The following B3GALT1 variants were observed in gnomAD, a reference collection of about 807,000 sequenced individuals.
The protein encoded by B3GALT1 is UDP-Gal:betaGlcNAc beta 1,3-galactosyltransferase, polypeptide 1.
A neutral mutation model predicts 23.2 loss-of-function variants in B3GALT1; 10 were observed. That is an observed-to-expected ratio of 0.43 (90% CI 0.27 to 0.73). B3GALT1 has a LOEUF of 0.73. Among genes scored for constraint, B3GALT1 ranks in the 30% least tolerant of loss-of-function variants. B3GALT1 has a pLI of 0.21. For synonymous variants in B3GALT1, 156 were observed against 141.5 expected, an observed-to-expected ratio of 1.10 and a Z score of -0.73; for missense variants, 299 against 405.4, an observed-to-expected ratio of 0.74 and a Z score of 2.25.
intron 3 of B3GALT1, among the ~76,000 whole-genome samples, chr2:167,706,590 C>A: frequency 6.6e-6 from 1 of 152,192 alleles, no homozygotes; most frequent in East Asian, 1.9e-4. Flanking sequence ...TTTTCATTAT[C>A]AGAAGACACA....
At chr2:167,665,708 A>G (rs1686165636) in intron 3 of B3GALT1, among the ~76,000 whole-genome samples, 1 of 152,188 alleles carries the variant, frequency 6.6e-6, no homozygotes, top group African/African-American at 2.4e-5. Context: ...GTATGTGTCG[A>G]GGAATTTATC....
chr2:167,792,617 G>T (rs530702818), intron 3 of B3GALT1, among the ~76,000 whole-genome samples: 6 of 152,122 alleles, frequency 3.9e-5, no homozygotes, highest in African/African-American at 1.4e-4. Flanking sequence ...CCAGATGGTA[G>T]AACACCTTGT....
At chr2:167,758,834 C>T (rs1252004472) in intron 3 of B3GALT1, among the ~76,000 whole-genome samples, 1 of 152,178 alleles carries the variant, frequency 6.6e-6, no homozygotes, top group Non-Finnish European at 1.5e-5. Flanking sequence ...AGATCCCTGA[C>T]CCAGTCAGCT....
intron 2 of B3GALT1, among the ~76,000 whole-genome samples, chr2:167,551,271 G>A (rs866434943): frequency 6.6e-6 from 1 of 152,198 alleles, no homozygotes; most frequent in Non-Finnish European, 1.5e-5. Flanking sequence ...TGTGTTTTCA[G>A]TGTAAATAAA....
intron 3 of B3GALT1, among the ~76,000 whole-genome samples, chr2:167,682,547 C>T (rs1457531743): frequency 6.6e-6 from 1 of 152,238 alleles, no homozygotes; most frequent in African/African-American, 2.4e-5. Flanking sequence ...GATTCTCAAA[C>T]TTGAATATGT....
intron 1 of B3GALT1, among the ~76,000 whole-genome samples, chr2:167,434,007 C>T (rs541160542): frequency 1.9e-4 from 29 of 151,154 alleles, no homozygotes; most frequent in African/African-American, 6.1e-4. Context: ...AAACTGCCCT[C>T]CAACTTGGGT....
intron 3 of B3GALT1, among the ~76,000 whole-genome samples, chr2:167,685,251 A>G (rs937931037): frequency 7.2e-5 from 11 of 152,120 alleles, no homozygotes; most frequent in African/African-American, 2.7e-4. Flanking sequence ...GTTCTAAAAG[A>G]ATGTTATCCA....
intron 3 of B3GALT1, among the ~76,000 whole-genome samples, chr2:167,664,974 C>T (rs991929553): frequency 1.9e-4 from 29 of 150,876 alleles, no homozygotes; most frequent in Non-Finnish European, 3.4e-4. Context: ...TGCCTAATTG[C>T]CCTGGCCAGA....
chr2:167,837,061 T>C (rs1462556516), intron 4 of B3GALT1, among the ~76,000 whole-genome samples: 2 of 151,900 alleles, frequency 1.3e-5, no homozygotes, highest in Non-Finnish European at 1.5e-5. Context: ...CGGTAACAGC[T>C]GCTGCAAAAT....
intron 3 of B3GALT1, among the ~76,000 whole-genome samples, chr2:167,678,605 C>G (rs985189149): frequency 6.6e-6 from 1 of 152,040 alleles, no homozygotes; most frequent in African/African-American, 2.4e-5. Context: ...TTTTCATGGG[C>G]TCAGTCCACG....
At chr2:167,346,745 TGG>T (rs202176994) in intron 1 of B3GALT1, among the ~76,000 whole-genome samples, 3 of 35,600 alleles carry the variant, frequency 8.4e-5, no homozygotes, top group Middle Eastern at 0.033. Context: ...TGTGTGTGTG[TGG>T]GGGGGGGGTG....
At chr2:167,716,837 G>C (rs989869840) in intron 3 of B3GALT1, among the ~76,000 whole-genome samples, 1 of 151,728 alleles carries the variant, frequency 6.6e-6, no homozygotes, top group African/African-American at 2.4e-5. Flanking sequence ...CTTTTTTATA[G>C]TTTTTTTGGT....
chr2:167,683,754 C>G (rs1686573070), intron 3 of B3GALT1, among the ~76,000 whole-genome samples: 1 of 152,088 alleles, frequency 6.6e-6, no homozygotes, highest in African/African-American at 2.4e-5. Flanking sequence ...AAAACACACA[C>G]ACACACACAC....
chr2:167,449,750 A>G (rs1699057257), intron 1 of B3GALT1, among the ~76,000 whole-genome samples: 1 of 152,126 alleles, frequency 6.6e-6, no homozygotes, highest in Non-Finnish European at 1.5e-5. Flanking sequence ...GGCTTTTACT[A>G]CATTGAGGTA....
intron 1 of B3GALT1, among the ~76,000 whole-genome samples, chr2:167,389,365 G>T (rs934735828): frequency 1.3e-5 from 2 of 152,162 alleles, no homozygotes; most frequent in Non-Finnish European, 2.9e-5. Flanking sequence ...ACCACTAATT[G>T]GGCCCAGGTG....
chr2:167,335,608 A>T (rs559160053), intron 1 of B3GALT1, among the ~76,000 whole-genome samples: 11 of 152,122 alleles, frequency 7.2e-5, no homozygotes, highest in Non-Finnish European at 1.5e-4. Context: ...TTTAGACCAT[A>T]TATGGTAACT....
chr2:167,447,663 G>C (rs767847796), intron 1 of B3GALT1, among the ~76,000 whole-genome samples: 1 of 152,134 alleles, frequency 6.6e-6, no homozygotes, highest in African/African-American at 2.4e-5. Flanking sequence ...CTCTGAGCCA[G>C]GCATGGGATA....
chr2:167,585,389 T>C (rs1684569835), intron 2 of B3GALT1, among the ~76,000 whole-genome samples: 1 of 152,128 alleles, frequency 6.6e-6, no homozygotes, highest in Non-Finnish European at 1.5e-5. Context: ...GGCAATCAGT[T>C]TAACCAAGCA....
intron 1 of B3GALT1, among the ~76,000 whole-genome samples, chr2:167,452,707 C>G (rs1216264746): frequency 1.3e-5 from 2 of 152,182 alleles, no homozygotes; most frequent in Non-Finnish European, 2.9e-5. Context: ...CCATTTAGTC[C>G]TGCCTTGTAT....
Sources: allele counts gnomAD v4.1 joint callset (sites outside exome capture counted in the v4.1 genomes callset), GRCh38; gene constraint gnomAD v4.1.1; transcripts MANE v1.5; gene names NCBI Gene and HGNC (gene_info 2026-07-23, HGNC 2026-07-21).